ANKRD26: variants seen among roughly 807,000 people sequenced by gnomAD.
ANKRD26 encodes the protein ankyrin repeat domain-containing protein 26.
A neutral mutation model predicts 208.7 loss-of-function variants in ANKRD26; 141 were observed. That is an observed-to-expected ratio of 0.68 (90% CI 0.59 to 0.78). The LOEUF (loss-of-function observed/expected upper bound fraction) is 0.78. ANKRD26 is among the 30% of genes least tolerant of loss of function. ANKRD26 has a pLI of 0.00. For synonymous variants in ANKRD26, 636 were observed against 660.4 expected (o/e 0.96, Z 0.57); for missense variants, 1,889 against 1,938.7 (o/e 0.97, Z 0.48).
At chr10:27,092,607 T>C (rs1458418138) in intron 3 of ANKRD26, 95 bp from the exon 4 acceptor site, 7 of 934,154 alleles carry the variant, frequency 7.5e-6, no homozygotes, top group Non-Finnish European at 1.2e-5. Context: ...CTGAAACATA[T>C]AAAATAGAAA....
intron 20 of ANKRD26, among the ~76,000 whole-genome samples, chr10:27,042,437 T>C (rs1177672482): frequency 2.0e-5 from 3 of 151,426 alleles, no homozygotes; most frequent in Non-Finnish European, 2.9e-5. Flanking sequence ...GCCAACATGA[T>C]GAAACCCCGC....
At position 27,029,282 on chromosome 10, in the gene ANKRD26, T is replaced by A; in HGVS notation, c.3878+4A>T. The A allele has an allele frequency of 6.2e-7, 1 of 1,609,356 alleles. No homozygotes were observed. The highest frequency in any genetic ancestry group is 8.5e-7 in the Non-Finnish European group (1 of 1,177,046). ...GTTTTTCTGTGTGCTGCTTTAAATT[T>A]TACTTTTGCTTGTGATCTTGCATCT... On this transcript the variant is annotated splice_donor_region_variant and intron_variant, in intron 26 of 33. Coordinates refer to ENST00000376087, the MANE Select transcript of ANKRD26 (RefSeq NM_014915.3).
chr10:27,068,083 G>A (rs1419816746), intron 9 of ANKRD26, among the ~76,000 whole-genome samples: 1 of 152,190 alleles, frequency 6.6e-6, no homozygotes, highest in Non-Finnish European at 1.5e-5. Context: ...GCCATACTAT[G>A]AGGTAGACCC....
the ANKRD26 span, among the ~76,000 whole-genome samples, chr10:26,967,112 T>TATGACA: frequency 7.6e-6 from 1 of 131,676 alleles, no homozygotes; most frequent in Non-Finnish European, 1.9e-5. Context: ...TTCATATTTT[T>TATGACA]ATGACAAGTG....
chr10:27,092,332 C>A, intron 4 of ANKRD26, 74 bp downstream of exon 4: 2 of 1,136,948 alleles, frequency 1.8e-6, no homozygotes, highest in African/African-American at 1.5e-5. Context: ...AAACCTGTAA[C>A]ATGCAAAACA....
downstream of ANKRD26, among the ~76,000 whole-genome samples, chr10:26,989,454 A>G (rs946361462): frequency 5.9e-5 from 9 of 152,312 alleles, no homozygotes; most frequent in African/African-American, 2.2e-4. Context: ...ACTTATGGGC[A>G]TTAAGGATGT....
chr10:26,998,373 TC>T (rs2052642782), intron 4 of ANKRD26, among the ~76,000 whole-genome samples: 1 of 152,210 alleles, frequency 6.6e-6, no homozygotes, highest in South Asian at 2.1e-4. Context: ...AGGTGCTCGC[TC>T]CCAGGCATCT....
Position 27,100,440 on chromosome 10 carries a change from C to T in ANKRD26, c.-114G>A. 2 of 1,468,292 alleles carry T rather than the reference C, an allele frequency of 1.4e-6. No homozygotes were observed. Among genetic ancestry groups the T allele is most frequent in the South Asian group, 1.3e-5 (1 of 79,400 alleles). The allele number at this position is 1,468,292 out of a possible 1,614,324, so 91.0% of individuals were successfully genotyped here. ...TGGCCGCAGCCTCCCAAAGGAAACT[C>T]CGCGGTTTCCAATCTCTCCCTCCGG... On this transcript the variant is annotated 5_prime_UTR_variant, in exon 1 of 34. Coordinates refer to ENST00000376087, the MANE Select transcript of ANKRD26 (RefSeq NM_014915.3).
At chr10:26,961,124 G>A in the ANKRD26 span, among the ~76,000 whole-genome samples, 1 of 151,704 alleles carries the variant, frequency 6.6e-6, no homozygotes, top group Non-Finnish European at 1.5e-5. Context: ...GGCTGAGGCA[G>A]GAGAATCGCT....
chr10:27,040,007 TCTAA>T lies in ANKRD26; in HGVS notation c.2329_2332del (p.Leu777SerfsTer14), dbSNP rs778333097. 4.0e-5 allele frequency: 64 copies of T among 1,613,698 alleles called. No individual in the cohort carries two copies. The highest frequency in any genetic ancestry group is 6.7e-5 in the African/African-American group (5 of 74,926). ...TCGTTCCCATTCAACTTTTTGATGC[TCTAA>T]CTGTGATTTTATTTCTTTTGTTTCA... On this transcript the variant is annotated frameshift_variant, in exon 21 of 34. Coordinates refer to ENST00000376087, the MANE Select transcript of ANKRD26 (RefSeq NM_014915.3). LOFTEE classifies it high-confidence loss of function.
downstream of ANKRD26, among the ~76,000 whole-genome samples, chr10:27,002,795 G>A (rs1185422774): frequency 6.6e-6 from 1 of 152,220 alleles, no homozygotes; most frequent in African/African-American, 2.4e-5. Flanking sequence ...ATAGCTGCAT[G>A]ATGGCAGCAG....
intron 3 of ANKRD26, 81 bp from the exon 4 acceptor site, chr10:27,092,593 T>C (rs2056336241): frequency 9.8e-7 from 1 of 1,025,312 alleles, no homozygotes; most frequent in Admixed American, 2.0e-5. Context: ...TCAGATCCTT[T>C]GAACTGAAAC....
the ANKRD26 span, among the ~76,000 whole-genome samples, chr10:26,951,013 C>CTTTTCTTTTTT: frequency 3.2e-4 from 32 of 100,904 alleles, no homozygotes; most frequent in East Asian, 5.7e-3. Context: ...CTTTTCTTTT[C>CTTTTCTTTTTT]TTTTTCTTTT....
chr10:26,977,627 G>A (rs1298829341), intron 5 of ANKRD26, among the ~76,000 whole-genome samples: 1 of 152,218 alleles, frequency 6.6e-6, no homozygotes, highest in African/African-American at 2.4e-5. Flanking sequence ...ACTCAGGGAT[G>A]TAAACTAAGG....
chr10:27,079,815 T>G (rs187937683), intron 6 of ANKRD26, among the ~76,000 whole-genome samples: 39 of 151,708 alleles, frequency 2.6e-4, no homozygotes, highest in African/African-American at 8.5e-4. Context: ...ATCATGCCAC[T>G]GCACTCCAGC....
At chr10:27,016,337 A>C (rs11592897) in intron 30 of ANKRD26, among the ~76,000 whole-genome samples, 1 of 151,664 alleles carries the variant, frequency 6.6e-6, no homozygotes, top group Non-Finnish European at 1.5e-5. Flanking sequence ...AGCTCTCACC[A>C]TCTTGCCTCA....
intron 6 of ANKRD26, among the ~76,000 whole-genome samples, chr10:27,081,981 C>A (rs1239577998): frequency 1.3e-4 from 19 of 150,376 alleles, no homozygotes; most frequent in Non-Finnish European, 2.8e-4. Flanking sequence ...TGTGATATGC[C>A]CACCTTGGCC....
intron 4 of ANKRD26, 27 bp downstream of exon 4, chr10:27,092,379 A>C: frequency 6.4e-7 from 1 of 1,553,138 alleles, no homozygotes; most frequent in Non-Finnish European, 8.9e-7. Context: ...CAAGTTTAAA[A>C]ATCCAAAACA....
chr10:27,030,128 T>TA (rs2053815701), intron 25 of ANKRD26, among the ~76,000 whole-genome samples: 1 of 152,226 alleles, frequency 6.6e-6, no homozygotes, highest in African/African-American at 2.4e-5. Flanking sequence ...TATGTTCTAA[T>TA]AAAATTGTAT....
Sources: allele counts gnomAD v4.1 joint callset (sites outside exome capture counted in the v4.1 genomes callset), GRCh38; gene constraint gnomAD v4.1.1; transcripts MANE v1.5; gene names NCBI Gene and HGNC (gene_info 2026-07-23, HGNC 2026-07-21).